Variants in COL22A1 observed in about 807,000 individuals in gnomAD.
The protein encoded by COL22A1 is collagen alpha-1(XXII) chain.
COL22A1 carries 221 observed loss-of-function variants against 248.9 expected under a neutral mutation model. That is an observed-to-expected ratio of 0.89 (90% CI 0.80 to 0.99). The LOEUF is 0.99. Ranked by LOEUF, COL22A1 falls within the 50% of genes least tolerant of loss-of-function variation. COL22A1 has a pLI of 0.00. For synonymous variants in COL22A1, 891 were observed against 793.4 expected, an observed-to-expected ratio of 1.12 and a Z score of -2.07; for missense variants, 2,240 against 2,179.0, an observed-to-expected ratio of 1.03 and a Z score of -0.56.
At chr8:138,643,680 T>C (rs1346208435) in intron 47 of COL22A1, among the ~76,000 whole-genome samples, 1 of 108,480 alleles carries the variant, frequency 9.2e-6, no homozygotes, top group Non-Finnish European at 1.9e-5. Flanking sequence ...ATAGATTGCA[T>C]AGGGATATTA....
intron 30 of COL22A1, 123 bp from the exon 31 acceptor site, chr8:138,703,470 G>C: frequency 1.2e-6 from 1 of 818,382 alleles, no homozygotes; most frequent in Non-Finnish European, 2.1e-6. Flanking sequence ...GCAGGGTGCA[G>C]GTAGGTGCAC....
chr8:138,791,264 G>A (rs574602342), intron 12 of COL22A1, among the ~76,000 whole-genome samples: 11 of 152,172 alleles, frequency 7.2e-5, no homozygotes, highest in Non-Finnish European at 1.5e-4. Context: ...CAAGGAGGAA[G>A]AATCAATAAC....
At chr8:138,834,243 C>CCG (rs1489190543) in intron 4 of COL22A1, among the ~76,000 whole-genome samples, 2 of 151,860 alleles carry the variant, frequency 1.3e-5, no homozygotes, top group Non-Finnish European at 2.9e-5. Flanking sequence ...TGTGCCCCCC[C>CCG]AGGGATAATA....
intron 41 of COL22A1, among the ~76,000 whole-genome samples, chr8:138,666,592 T>C (rs1824523882): frequency 6.6e-6 from 1 of 151,976 alleles, no homozygotes; most frequent in South Asian, 2.1e-4. Context: ...AGGTCAGTGG[T>C]GCACATGGAC....
At chr8:138,777,304 C>T (rs1433770585) in intron 15 of COL22A1, among the ~76,000 whole-genome samples, 1 of 152,240 alleles carries the variant, frequency 6.6e-6, no homozygotes, top group Non-Finnish European at 1.5e-5. Context: ...AGAGCATCTG[C>T]AGGGCCATCC....
chr8:138,594,909 T>C (rs1289074553), intron 62 of COL22A1, among the ~76,000 whole-genome samples: 2 of 152,168 alleles, frequency 1.3e-5, no homozygotes, highest in African/African-American at 4.8e-5. Flanking sequence ...CTGGAGATCC[T>C]ATACATCTAA....
intron 11 of COL22A1, 68 bp downstream of exon 11, chr8:138,802,804 C>T (rs1288483540): frequency 7.3e-6 from 9 of 1,228,416 alleles, no homozygotes; most frequent in Middle Eastern, 1.9e-4. Flanking sequence ...TTTGCATGAT[C>T]GGAGGGCCCT....
intron 1 of COL22A1, among the ~76,000 whole-genome samples, chr8:138,890,254 T>C (rs1229254154): frequency 6.6e-6 from 1 of 152,166 alleles, no homozygotes; most frequent in African/African-American, 2.4e-5. Flanking sequence ...AGGCCATCTA[T>C]GAAAAATTCA....
intron 12 of COL22A1, among the ~76,000 whole-genome samples, chr8:138,784,623 G>A (rs557299019): frequency 1.7e-3 from 263 of 152,286 alleles, no homozygotes; most frequent in Middle Eastern, 6.8e-3. Flanking sequence ...AGTCAGAGTA[G>A]AGTAATATTA....
intron 2 of COL22A1, among the ~76,000 whole-genome samples, chr8:138,881,606 AC>A (rs1824217216): frequency 6.6e-6 from 1 of 152,248 alleles, no homozygotes; most frequent in African/African-American, 2.4e-5. Context: ...AATGGCGTGA[AC>A]CCGGGAGGCG....
chr8:138,715,698 C>T lies in COL22A1; in HGVS notation c.2501G>A (p.Gly834Asp). 2 of 1,612,520 alleles carry T rather than the reference C, an allele frequency of 1.2e-6. No homozygotes were observed. The highest frequency in any genetic ancestry group is 1.7e-6 in the Non-Finnish European group (2 of 1,179,096). ...KGELGLPGLK[G>D]DRGEKGEAGP... ...TTCTCCTACCTTTTCACCTCGGTCA[C>T]CTTTCAGTCCTGGAAGTCCCAGTTC... Residue 834 changes from glycine to aspartate, a missense_variant, in exon 30 of 65, where the codon GGT (glycine) becomes GAT (aspartate). Physicochemically the swap from Gly to Asp is moderately conservative, Grantham distance 94. Transcript: ENST00000303045.
At chr8:138,847,224 T>C (rs1821309421) in intron 3 of COL22A1, among the ~76,000 whole-genome samples, 2 of 152,206 alleles carry the variant, frequency 1.3e-5, no homozygotes, top group Non-Finnish European at 2.9e-5. Flanking sequence ...ATAACAGGCC[T>C]TCAGCTGTTG....
intron 1 of COL22A1, among the ~76,000 whole-genome samples, chr8:138,911,726 T>C (rs4480153): frequency 0.96 from 146,713 of 152,332 alleles, 70,699 homozygotes; most frequent in East Asian, 1. Context: ...CTGCATCCGT[T>C]TAGGGGCCAT....
chr8:138,744,918 G>A (rs1447779566), intron 22 of COL22A1, among the ~76,000 whole-genome samples: 1 of 152,174 alleles, frequency 6.6e-6, no homozygotes, highest in African/African-American at 2.4e-5. Flanking sequence ...TGTTGGATAG[G>A]ATCACCTCTC....
chr8:138,797,192 A>T (rs1816621258), intron 11 of COL22A1, among the ~76,000 whole-genome samples: 2 of 152,096 alleles, frequency 1.3e-5, no homozygotes, highest in African/African-American at 4.8e-5. Flanking sequence ...AAATCCCCAC[A>T]AACAATTTTA....
intron 47 of COL22A1, among the ~76,000 whole-genome samples, chr8:138,646,269 A>T (rs955731205): frequency 6.6e-6 from 1 of 152,234 alleles, no homozygotes. Flanking sequence ...TATGTATCAT[A>T]TCATTCCATT....
rs1167546280 is a variant in COL22A1, at chr8:138,877,820, G to A, written c.588C>T (p.His196=). The part of the protein sequence containing the change: ...EEIASEPKSA[H]VFHVSDFNAI... The stretch of plus-strand genomic sequence containing the variant: ...CATTGAAGTCGGACACGTGGAAGAC[G>A]TGGGCGGACTTGGGCTCTGAGGCGA... Residue 196 remains histidine, a synonymous_variant, in exon 3 of 65, where the codon CAC becomes CAT. Transcript: ENST00000303045. 1.2e-6 allele frequency: 2 copies of A among 1,612,196 alleles called. No individual in the cohort carries two copies. The highest frequency in any genetic ancestry group is 1.7e-6 in the Non-Finnish European group (2 of 1,179,170).
chr8:138,807,596 C>G (rs1235199017), intron 10 of COL22A1, among the ~76,000 whole-genome samples, 172 bp downstream of exon 10: 1 of 152,162 alleles, frequency 6.6e-6, no homozygotes, highest in Non-Finnish European at 1.5e-5. Flanking sequence ...AGTTAAGAGG[C>G]TCCCAGGATT....
chr8:138,755,175 G>C lies in COL22A1; in HGVS notation c.2013C>G (p.Pro671=). ...AACTTACCCGAGCTCCTGGAGGACC[G>C]GGGGCGCCTTGGTGACCTCTGGGTC... ...APGPRGHQGA[P]GPPGARGPIG... Residue 671 remains proline (P), a synonymous_variant, in exon 21 of 65, where the codon CCC becomes CCG. Coordinates refer to ENST00000303045, the MANE Select transcript of COL22A1 (RefSeq NM_152888.3). 1 of 1,613,440 alleles carries C rather than the reference G, an allele frequency of 6.2e-7. No individual in the cohort carries two copies. The highest frequency in any genetic ancestry group is 1.3e-5 in the African/African-American group (1 of 75,030).
Sources: gnomAD v4.1 joint callset for allele counts (sites outside exome capture counted in the v4.1 genomes callset) on GRCh38, gnomAD v4.1.1 for gene constraint, MANE v1.5 for transcripts, NCBI Gene and HGNC (gene_info 2026-07-23, HGNC 2026-07-21) for gene names.